RPS6KA5: variants seen among roughly 807,000 people sequenced by gnomAD.
RPS6KA5 encodes the protein ribosomal protein S6 kinase A5.
RPS6KA5 carries 27 observed loss-of-function variants against 85.5 expected under a neutral mutation model. That is an observed-to-expected ratio of 0.32 (90% CI 0.23 to 0.44). The LOEUF is 0.44. Among genes scored for constraint, RPS6KA5 ranks in the 20% least tolerant of loss-of-function variants. RPS6KA5 has a pLI of 1.00. For synonymous variants in RPS6KA5, 334 were observed against 348.2 expected, an observed-to-expected ratio of 0.96 and a Z score of 0.46; for missense variants, 811 against 980.9, an observed-to-expected ratio of 0.83 and a Z score of 2.31.
At chr14:90,997,223 CAA>C (rs2040565706) in intron 2 of RPS6KA5, among the ~76,000 whole-genome samples, 1 of 152,114 alleles carries the variant, frequency 6.6e-6, no homozygotes, top group African/African-American at 2.4e-5. Context: ...ATTCTCACTT[CAA>C]AGATTACTTT....
chr14:90,963,839 G>C (rs2038928910), intron 3 of RPS6KA5, among the ~76,000 whole-genome samples: 1 of 152,198 alleles, frequency 6.6e-6, no homozygotes, highest in Admixed American at 6.5e-5. Context: ...AAGTGAAACA[G>C]AGAAAAATAC....
chr14:90,868,112 C>T lies in RPS6KA5; in HGVS notation c.*3962G>A, dbSNP rs140032634. 5 of 152,284 alleles carry T rather than the reference C, an allele frequency of 3.3e-5. No homozygotes were observed. In the East Asian group the frequency reaches 7.7e-4, roughly 23 times the overall value. The allele number at this position is 152,284 out of a possible 1,614,324, so 9.4% of individuals were successfully genotyped here. ...AAAATATTTTCTCTAAAGAATGTCA[C>T]AATTTGGAGTGAAGTTACTTAACAA... On this transcript the variant is annotated 3_prime_UTR_variant, in exon 17 of 17. Coordinates refer to ENST00000614987, the MANE Select transcript of RPS6KA5 (RefSeq NM_004755.4).
intron 14 of RPS6KA5, among the ~76,000 whole-genome samples, chr14:90,882,019 C>G (rs1203955891): frequency 1.3e-5 from 2 of 152,142 alleles, no homozygotes; most frequent in African/African-American, 4.8e-5. Context: ...TGTCATTTTG[C>G]TATGTGTTTT....
At chr14:91,030,611 GAAAAAAAAAAAAAA>G (rs58737573) in intron 1 of RPS6KA5, among the ~76,000 whole-genome samples, 2,022 of 22,366 alleles carry the variant, frequency 0.09, 72 homozygotes, top group African/African-American at 0.24. Flanking sequence ...AAAATAAACA[GAAAAAAAAAAAAAA>G]AAAAAAAAAA....
At chr14:90,914,474 C>T (rs2036007056) in intron 7 of RPS6KA5, among the ~76,000 whole-genome samples, 1 of 151,924 alleles carries the variant, frequency 6.6e-6, no homozygotes. Context: ...ATCACCATGC[C>T]CAGCTAATTT....
chr14:90,897,572 T>C (rs12434426), intron 12 of RPS6KA5, among the ~76,000 whole-genome samples: 5,614 of 152,304 alleles, frequency 0.037, 140 homozygotes, highest in Non-Finnish European at 0.053. Context: ...AAACCCAAGA[T>C]ACATTACAAC....
In RPS6KA5 at chr14:91,043,392, C is replaced by G. The variant is rs2042673794; in HGVS notation, c.103+16940G>C. Among the ~76,000 whole-genome samples the G allele has an allele frequency of 2.0e-5, 3 of 152,182 alleles. No homozygotes were observed. In the South Asian group the frequency reaches 6.2e-4, roughly 32 times the overall value. ...CTGCAACCCAGACCTCTTTTACAAG[C>G]TCCTGACCCATATCCTACTGATCCC... On this transcript the variant is annotated intron_variant, in intron 1 of 16. Coordinates refer to ENST00000614987, the MANE Select transcript of RPS6KA5 (RefSeq NM_004755.4).
chr14:91,054,535 G>A (rs1360267508), intron 1 of RPS6KA5, among the ~76,000 whole-genome samples: 1 of 151,886 alleles, frequency 6.6e-6, no homozygotes, highest in Non-Finnish European at 1.5e-5. Context: ...TACTCAGGGG[G>A]CTGAAGCATG....
chr14:90,877,509 A>C (rs2033556247), intron 14 of RPS6KA5, among the ~76,000 whole-genome samples: 1 of 152,178 alleles, frequency 6.6e-6, no homozygotes, highest in South Asian at 2.1e-4. Context: ...ACACCAGAGT[A>C]ACAGTCATGC....
chr14:91,057,326 T>G (rs1216843605), intron 1 of RPS6KA5, among the ~76,000 whole-genome samples: 4 of 152,166 alleles, frequency 2.6e-5, no homozygotes, highest in Non-Finnish European at 5.9e-5. Flanking sequence ...TGCAAGGCAC[T>G]GGTAATACAA....
chr14:91,013,891 T>A (rs1209112344), intron 1 of RPS6KA5, among the ~76,000 whole-genome samples: 2 of 152,164 alleles, frequency 1.3e-5, no homozygotes, highest in African/African-American at 4.8e-5. Flanking sequence ...GAGGAAGACG[T>A]AAATTCCTCA....
chr14:91,044,601 C>T (rs563608704), intron 1 of RPS6KA5, among the ~76,000 whole-genome samples: 62 of 152,094 alleles, frequency 4.1e-4, no homozygotes, highest in South Asian at 2.5e-3. Flanking sequence ...AGGCTGGGTG[C>T]GGTGGCTCAC....
At position 90,849,183 on chromosome 14, in the gene RPS6KA5, C is replaced by G. The variant is rs908103253; in HGVS notation, c.*22891G>C. 1 of 152,226 alleles carries G rather than the reference C, an allele frequency of 6.6e-6. No homozygotes were observed. The highest frequency in any genetic ancestry group is 2.4e-5 in the African/African-American group (1 of 41,462). 9.4% of individuals were successfully genotyped at this position (152,226 alleles called of 1,614,324 possible). On this transcript the variant is annotated 3_prime_UTR_variant, in exon 17 of 17. Coordinates refer to ENST00000614987, the MANE Select transcript of RPS6KA5 (RefSeq NM_004755.4). ...GTCTGAATCTAATAGATGCCACTCT[C>G]AAATTCTGAGGAGGATGAATTAGCT...
intron 5 of RPS6KA5, among the ~76,000 whole-genome samples, chr14:90,941,796 T>C (rs943508566): frequency 2.0e-5 from 3 of 152,252 alleles, no homozygotes; most frequent in African/African-American, 7.2e-5. Flanking sequence ...TAGTTGCTAT[T>C]TTCTCTTTTC....
At chr14:91,001,476 GATAC>G (rs2140583017) in intron 1 of RPS6KA5, among the ~76,000 whole-genome samples, 1 of 152,244 alleles carries the variant, frequency 6.6e-6, no homozygotes, top group African/African-American at 2.4e-5. Context: ...TATGTAGATA[GATAC>G]ATAGTGGGGA....
chr14:90,967,934 G>T (rs931446044), intron 3 of RPS6KA5, among the ~76,000 whole-genome samples: 4 of 152,066 alleles, frequency 2.6e-5, no homozygotes, highest in Admixed American at 6.6e-5. Context: ...TCTTTAAAGC[G>T]TGGTCTACAT....
intron 2 of RPS6KA5, among the ~76,000 whole-genome samples, chr14:90,981,190 A>G (rs1365993476): frequency 6.6e-6 from 1 of 152,222 alleles, no homozygotes; most frequent in Non-Finnish European, 1.5e-5. Flanking sequence ...TCTTCTTTAT[A>G]TTGACTGGAA....
At chr14:91,019,348 A>G (rs2041643397) in intron 1 of RPS6KA5, among the ~76,000 whole-genome samples, 1 of 152,182 alleles carries the variant, frequency 6.6e-6, no homozygotes, top group African/African-American at 2.4e-5. Flanking sequence ...GTGTCATCCA[A>G]TCAGTTGAAG....
At position 90,894,398 on chromosome 14, in the gene RPS6KA5, C is replaced by T. The variant is rs1239244033; in HGVS notation, c.1644+15G>A. On this transcript the variant is annotated intron_variant, in intron 13 of 16. Coordinates refer to ENST00000614987, the MANE Select transcript of RPS6KA5 (RefSeq NM_004755.4). ...TGCTAGACTGAATTACGTAAGAGAT[C>T]CAGTGATTTTATACCTCAGGTTTCA... The T allele has an allele frequency of 6.2e-7, 1 of 1,610,568 alleles. No homozygotes were observed. Among genetic ancestry groups the T allele is most frequent in the Non-Finnish European group, 8.5e-7 (1 of 1,177,680 alleles).
Sources: allele counts gnomAD v4.1 joint callset (sites outside exome capture counted in the v4.1 genomes callset), GRCh38; gene constraint gnomAD v4.1.1; transcripts MANE v1.5; gene names NCBI Gene and HGNC (gene_info 2026-07-23, HGNC 2026-07-21).